The following CRB1 variants were observed in gnomAD, a reference collection of about 807,000 sequenced individuals.
The protein encoded by CRB1 is protein crumbs homolog 1.
A neutral mutation model predicts 120.0 loss-of-function variants in CRB1; 83 were observed. The ratio of observed to expected loss-of-function variants is 0.69; its 90% CI spans 0.58 to 0.83. The LOEUF is 0.83. Ranked by LOEUF, CRB1 falls within the 40% of genes least tolerant of loss-of-function variation. CRB1 has a pLI of 0.00. For synonymous variants in CRB1, 625 were observed against 612.5 expected (o/e 1.02, Z -0.30); for missense variants, 1,699 against 1,687.6 (o/e 1.01, Z -0.12).
chr1:197,222,257 GGGTGTTTGAGGGAACGAGTTTAGTTC>G, the CRB1 span: 1 of 530,196 alleles, frequency 1.9e-6, no homozygotes, highest in South Asian at 1.8e-5. Flanking sequence ...CGTTGGTGGC[GGGTGTTTGAGGGAACGAGTTTAGTTC>G]TTGGTCTGTT....
intron 2 of CRB1, among the ~76,000 whole-genome samples, chr1:197,341,433 C>T (rs1005618864): frequency 2.0e-5 from 3 of 151,952 alleles, no homozygotes; most frequent in Non-Finnish European, 4.4e-5. Flanking sequence ...GTCTCAGCTA[C>T]TTGGAAGGCT....
chr1:197,254,827 C>T, the CRB1 span, among the ~76,000 whole-genome samples: 7 of 152,128 alleles, frequency 4.6e-5, no homozygotes, highest in African/African-American at 1.7e-4. Context: ...TCCTATAATT[C>T]TAGAAGTATA....
chr1:197,371,577 C>G (rs1661372050), intron 5 of CRB1, among the ~76,000 whole-genome samples: 1 of 152,106 alleles, frequency 6.6e-6, no homozygotes, highest in Non-Finnish European at 1.5e-5. Flanking sequence ...ATCCTTTTTA[C>G]AAGCTCATAC....
chr1:197,215,245 C>T, the CRB1 span, among the ~76,000 whole-genome samples: 1 of 151,736 alleles, frequency 6.6e-6, no homozygotes, highest in Admixed American at 6.6e-5. Flanking sequence ...CCCATAATCC[C>T]CAAGTGACAT....
Position 197,315,488 on chromosome 1 carries a change from A to G in CRB1, c.71-12934A>G, listed in dbSNP as rs144258456. ...GTGCCTGCATAAAACTAAAATAAAC[A>G]GATGGAAAGCAAAACATGCTGAGGG... is the stretch of plus-strand genomic sequence containing the variant. On this transcript the variant is annotated intron_variant, in intron 1 of 11. Coordinates refer to ENST00000367400, the MANE Select transcript of CRB1 (RefSeq NM_201253.3). Among the ~76,000 whole-genome samples, 5 of 152,370 alleles carry G rather than the reference A, an allele frequency of 3.3e-5. No homozygotes were observed. In the East Asian group the frequency reaches 9.6e-4, roughly 29 times the overall value.
At position 197,351,619 on chromosome 1, in the gene CRB1, A is replaced by G. The variant is rs1473713474; in HGVS notation, c.988+4140A>G. On this transcript the variant is annotated intron_variant, in intron 4 of 11. Coordinates refer to ENST00000367400, the MANE Select transcript of CRB1 (RefSeq NM_201253.3). ...TTCCCTGGCTTCATGGCAGATGATC[A>G]AAGAAAATAACACTAAAGGCAGGGA... Among the ~76,000 whole-genome samples the G allele has an allele frequency of 2.0e-5, 3 of 152,284 alleles. No individual in the cohort carries two copies. The East Asian group carries it at 5.8e-4, about 29-fold the overall frequency.
intron 5 of CRB1, among the ~76,000 whole-genome samples, chr1:197,404,456 A>T (rs1663237256): frequency 6.6e-6 from 1 of 151,354 alleles, no homozygotes; most frequent in Non-Finnish European, 1.5e-5. Flanking sequence ...AAAAAAAAAA[A>T]AAAAAAAAAA....
chr1:197,343,674 G>GA (rs1299665964), intron 2 of CRB1, among the ~76,000 whole-genome samples: 1 of 152,012 alleles, frequency 6.6e-6, no homozygotes, highest in African/African-American at 2.4e-5. Flanking sequence ...ATTTTTTGTG[G>GA]AAAAAAGTGT....
intron 1 of CRB1, among the ~76,000 whole-genome samples, chr1:197,287,833 G>A (rs1655919382): frequency 6.6e-6 from 1 of 151,838 alleles, no homozygotes; most frequent in South Asian, 2.1e-4. Flanking sequence ...CCACTTCTGA[G>A]CAAGATGGAG....
intron 11 of CRB1, among the ~76,000 whole-genome samples, chr1:197,458,896 T>G (rs1310154993): frequency 6.6e-6 from 1 of 152,118 alleles, no homozygotes; most frequent in Non-Finnish European, 1.5e-5. Flanking sequence ...ACAGTATAAA[T>G]TCACAGAAGT....
chr1:197,268,156 C>G (rs1571735471), upstream of CRB1: 1 of 453,240 alleles, frequency 2.2e-6, no homozygotes, highest in South Asian at 2.3e-5. Context: ...GGGAATGAAT[C>G]CAATCCAGCC....
chr1:197,243,958 G>A, the CRB1 span, among the ~76,000 whole-genome samples: 7 of 152,010 alleles, frequency 4.6e-5, no homozygotes, highest in African/African-American at 1.4e-4. Flanking sequence ...GATCTTTGTG[G>A]TTTAAAGTCT....
At chr1:197,470,002 T>A (rs1666911825) in intron 11 of CRB1, among the ~76,000 whole-genome samples, 1 of 152,210 alleles carries the variant, frequency 6.6e-6, no homozygotes, top group African/African-American at 2.4e-5. Context: ...CTCCCCTTGC[T>A]GCTTCCGTTC....
the CRB1 span, among the ~76,000 whole-genome samples, chr1:197,229,060 G>T: frequency 6.6e-6 from 1 of 152,138 alleles, no homozygotes; most frequent in African/African-American, 2.4e-5. Flanking sequence ...TTCAAGATGA[G>T]ATTTGGGTGG....
chr1:197,278,278 T>C (rs1449077502), intron 1 of CRB1, among the ~76,000 whole-genome samples: 2 of 151,858 alleles, frequency 1.3e-5, no homozygotes, highest in Non-Finnish European at 2.9e-5. Flanking sequence ...TGAGGACATA[T>C]GGAGAAGATG....
At position 197,328,701 on chromosome 1, in the gene CRB1, A is replaced by G. The variant is rs1406158984; in HGVS notation, c.350A>G (p.Asn117Ser). The G allele has an allele frequency of 9.9e-6, 16 of 1,612,688 alleles. No individual in the cohort carries two copies. Among genetic ancestry groups the G allele is most frequent in the Non-Finnish European group, 1.4e-5 (16 of 1,179,068 alleles). The part of the protein sequence containing the change: ...CETTIGSCGK[N>S]SCQHGGICHQ... ...ACTACCATTGGTTCCTGTGGCAAGA[A>G]CTCCTGCCAACATGGAGGTATTTGC... Residue 117 changes from asparagine to serine, a missense_variant, in exon 2 of 12, where the codon AAC (asparagine) becomes AGC (serine). By Grantham distance (46) the Asn-to-Ser change is conservative. Transcript: ENST00000367400.
the CRB1 span, among the ~76,000 whole-genome samples, chr1:197,246,610 A>G: frequency 6.6e-6 from 1 of 152,042 alleles, no homozygotes; most frequent in African/African-American, 2.4e-5. Context: ...AAATATGTCT[A>G]CTACAGTTTC....
chr1:197,388,575 AAATC>A (rs1165667739), intron 5 of CRB1, among the ~76,000 whole-genome samples: 1 of 152,054 alleles, frequency 6.6e-6, no homozygotes, highest in African/African-American at 2.4e-5. Flanking sequence ...AGCAGTTAAG[AAATC>A]AATCAGTTAA....
chr1:197,298,789 G>T (rs1441163775), intron 1 of CRB1, among the ~76,000 whole-genome samples: 1 of 151,902 alleles, frequency 6.6e-6, no homozygotes, highest in East Asian at 1.9e-4. Flanking sequence ...AGAACAAATG[G>T]CATTAAAATT....
Sources: gnomAD v4.1 joint callset for allele counts (sites outside exome capture counted in the v4.1 genomes callset) on GRCh38, gnomAD v4.1.1 for gene constraint, MANE v1.5 for transcripts, NCBI Gene and HGNC (gene_info 2026-07-23, HGNC 2026-07-21) for gene names.